Variants in TRAF3IP1 observed in about 807,000 individuals in gnomAD.
TRAF3IP1 encodes the protein intraflagellar transport 54.
In TRAF3IP1, 53 loss-of-function variants were observed where a neutral mutation model predicts 89.9. That is an observed-to-expected ratio of 0.59 (90% confidence interval 0.47 to 0.74). The LOEUF is 0.74. Among genes scored for constraint, TRAF3IP1 ranks in the 30% least tolerant of loss-of-function variants. TRAF3IP1 has a pLI of 0.00. For synonymous variants in TRAF3IP1, 311 were observed against 322.1 expected, an observed-to-expected ratio of 0.97 and a Z score of 0.37; for missense variants, 806 against 866.1, an observed-to-expected ratio of 0.93 and a Z score of 0.87.
chr2:238,376,371 G>A (rs1002605912), intron 15 of TRAF3IP1, among the ~76,000 whole-genome samples: 43 of 152,148 alleles, frequency 2.8e-4, no homozygotes, highest in Admixed American at 1.7e-3. Context: ...CCACTGGCCC[G>A]CACTGATACC....
intron 15 of TRAF3IP1, among the ~76,000 whole-genome samples, chr2:238,385,113 T>G (rs1408891012): frequency 6.6e-6 from 1 of 152,036 alleles, no homozygotes; most frequent in Non-Finnish European, 1.5e-5. Flanking sequence ...CCTCCCGGGT[T>G]CATGCCATTC....
intron 15 of TRAF3IP1, among the ~76,000 whole-genome samples, chr2:238,372,014 G>C (rs1174511997): frequency 6.6e-6 from 1 of 152,130 alleles, no homozygotes. Context: ...ACTAGTTCTT[G>C]AAAAAATAGT....
In TRAF3IP1 at chr2:238,332,845, T is replaced by C; in HGVS notation, c.937T>C (p.Ser313Pro). 1 of 1,612,980 alleles carries C rather than the reference T, an allele frequency of 6.2e-7. No individual in the cohort carries two copies. Among genetic ancestry groups the C allele is most frequent in the Non-Finnish European group, 8.5e-7 (1 of 1,179,232 alleles). Reference protein sequence around the residue: ...EKKSASSGEMSKKLSDGTFKD... With the variant: ...EKKSASSGEMPKKLSDGTFKD... ...ATAGTCAGCAAGCTCAGGGGAGATG[T>C]CTAAAAAGTTATCAGATGGAACTTT... The change falls in exon 6 of 17, where the codon TCT (serine) becomes CCT (proline). Residue 313 changes from serine to proline, a missense_variant. Around this residue, in one of 3 missense-constraint regions of TRAF3IP1, gnomAD observed 732 missense variants for 780.5 expected, o/e 0.94. Transcript: ENST00000373327.
intron 8 of TRAF3IP1, among the ~76,000 whole-genome samples, chr2:238,339,636 G>A (rs1000622306): frequency 6.6e-6 from 1 of 152,250 alleles, no homozygotes; most frequent in African/African-American, 2.4e-5. Flanking sequence ...AGCCAGCCAC[G>A]TGAGTGGGTT....
At chr2:238,323,346 C>A (rs570154033) in intron 1 of TRAF3IP1, among the ~76,000 whole-genome samples, 1 of 151,992 alleles carries the variant, frequency 6.6e-6, no homozygotes, top group Non-Finnish European at 1.5e-5. Flanking sequence ...CCCAAAGTGC[C>A]GAGATTACAG....
chr2:238,388,286 A>G (rs550363972), intron 15 of TRAF3IP1, among the ~76,000 whole-genome samples: 4 of 151,000 alleles, frequency 2.6e-5, no homozygotes, highest in East Asian at 2.0e-4. Context: ...GAGGCAGGAG[A>G]ATCACTTGAA....
chr2:238,368,798 G>A (rs1391310878), intron 15 of TRAF3IP1, among the ~76,000 whole-genome samples: 1 of 151,998 alleles, frequency 6.6e-6, no homozygotes, highest in African/African-American at 2.4e-5. Context: ...AGCCTTCCTA[G>A]TAGCTGAGAT....
At chr2:238,383,150 A>G (rs931931451) in intron 15 of TRAF3IP1, among the ~76,000 whole-genome samples, 18 of 151,706 alleles carry the variant, frequency 1.2e-4, no homozygotes, top group African/African-American at 4.4e-4. Flanking sequence ...TGGAATACTC[A>G]CCCACTATAG....
chr2:238,371,397 C>T (rs1036137697), intron 15 of TRAF3IP1, among the ~76,000 whole-genome samples: 1 of 152,124 alleles, frequency 6.6e-6, no homozygotes, highest in Non-Finnish European at 1.5e-5. Flanking sequence ...CTGTAGACTT[C>T]TCTGTGGCCC....
intron 15 of TRAF3IP1, among the ~76,000 whole-genome samples, chr2:238,376,181 A>G (rs1249622454): frequency 6.6e-6 from 1 of 152,208 alleles, no homozygotes; most frequent in Non-Finnish European, 1.5e-5. Context: ...CTGGTTTCCA[A>G]TAGGGCTTTA....
chr2:238,383,649 C>CTA (rs1700640021), intron 15 of TRAF3IP1, among the ~76,000 whole-genome samples: 1 of 152,208 alleles, frequency 6.6e-6, no homozygotes, highest in South Asian at 2.1e-4. Flanking sequence ...CTTGGGTCGT[C>CTA]TAGATTGTCA....
At chr2:238,332,799 T>G in intron 5 of TRAF3IP1, 25 bp from the exon 6 acceptor site, 2 of 1,538,574 alleles carry the variant, frequency 1.3e-6, no homozygotes, top group South Asian at 2.3e-5. Flanking sequence ...AATTCTAAAG[T>G]TTGAATTTTT....
At chr2:238,343,789 C>T (rs1050663424) in intron 8 of TRAF3IP1, among the ~76,000 whole-genome samples, 3 of 151,838 alleles carry the variant, frequency 2.0e-5, no homozygotes, top group Non-Finnish European at 4.4e-5. Context: ...GTAGCTGGGA[C>T]TACGGGTGTG....
At chr2:238,387,220 C>T (rs553504184) in intron 15 of TRAF3IP1, among the ~76,000 whole-genome samples, 88 of 152,218 alleles carry the variant, frequency 5.8e-4, no homozygotes, top group Non-Finnish European at 9.4e-4. Flanking sequence ...TCATCCTGTC[C>T]AGCTTCTCAT....
chr2:238,344,663 T>C (rs769342068), intron 9 of TRAF3IP1, 65 bp downstream of exon 9: 3 of 1,416,842 alleles, frequency 2.1e-6, no homozygotes, highest in African/African-American at 2.8e-5. Context: ...AACCTTCTTC[T>C]CAAAGGGCCG....
chr2:238,396,062 A>G (rs1401852440), intron 15 of TRAF3IP1, among the ~76,000 whole-genome samples: 2 of 152,198 alleles, frequency 1.3e-5, no homozygotes, highest in African/African-American at 2.4e-5. Context: ...TCATGCTGCT[A>G]TAAAGATACA....
Position 238,348,785 on chromosome 2 carries a change from G to T in TRAF3IP1, c.1304G>T (p.Gly435Val). The change falls in exon 11 of 17, where the codon GGC (glycine) becomes GTC (valine). Residue 435 changes from glycine to valine, a missense_variant. By Grantham distance (109) the Gly-to-Val change is moderately radical. Around this residue, in one of 3 missense-constraint regions of TRAF3IP1, gnomAD observed 732 missense variants for 780.5 expected, o/e 0.94. Coordinates refer to ENST00000373327, the MANE Select transcript of TRAF3IP1 (RefSeq NM_015650.4). ...SDAEGDAGPAGQDKSEVPETP... is the reference protein window; with the variant it reads ...SDAEGDAGPAVQDKSEVPETP... ...TTAGAAGGAGATGCTGGACCTGCTG[G>T]CCAAGATAAGTCTGAGGTGCCAGAG... 6.2e-7 allele frequency: 1 copy of T among 1,614,092 alleles called. No individual in the cohort carries two copies. The highest frequency in any genetic ancestry group is 1.3e-5 in the African/African-American group (1 of 75,024).
chr2:238,395,167 A>C (rs968354814), intron 15 of TRAF3IP1, among the ~76,000 whole-genome samples: 14 of 152,138 alleles, frequency 9.2e-5, no homozygotes, highest in African/African-American at 3.4e-4. Flanking sequence ...GGAGTTTGAG[A>C]GTAGCCTGGG....
chr2:238,385,200 A>G (rs1244521197), intron 15 of TRAF3IP1, among the ~76,000 whole-genome samples: 4 of 151,780 alleles, frequency 2.6e-5, no homozygotes, highest in African/African-American at 9.7e-5. Context: ...TATTTTTAGT[A>G]GAGACAGGGG....
Sources: gnomAD v4.1 joint callset for allele counts (sites outside exome capture counted in the v4.1 genomes callset) on GRCh38, gnomAD v4.1.1 for gene constraint, gnomAD v4.1.1 regional missense constraint, MANE v1.5 for transcripts, NCBI Gene and HGNC (gene_info 2026-07-23, HGNC 2026-07-21) for gene names.